AP3D1: variants seen among roughly 807,000 people sequenced by gnomAD.
The protein encoded by AP3D1 is AP-3 complex subunit delta-1.
In AP3D1, 51 loss-of-function variants were observed where a neutral mutation model predicts 147.6. That is an observed-to-expected ratio of 0.35 (90% CI 0.28 to 0.44). The LOEUF (loss-of-function observed/expected upper bound fraction) is 0.44, where lower values mean the gene tolerates loss of function less well. AP3D1 is among the 20% of genes least tolerant of loss of function. AP3D1 has a pLI of 1.00. For synonymous variants in AP3D1, 760 were observed against 663.0 expected, an observed-to-expected ratio of 1.15 and a Z score of -2.25; for missense variants, 1,421 against 1,624.2, an observed-to-expected ratio of 0.87 and a Z score of 2.15.
intron 28 of AP3D1, 71 bp from the exon 29 acceptor site, chr19:2,110,029 C>T (rs1324993939): frequency 6.9e-6 from 11 of 1,589,858 alleles, no homozygotes; most frequent in Non-Finnish European, 9.5e-6. Flanking sequence ...GTTCCCCAGG[C>T]AGGTGGCCCA....
At chr19:2,109,515 C>A in intron 29 of AP3D1, 1 of 483,340 alleles carries the variant, frequency 2.1e-6, no homozygotes, top group Admixed American at 3.6e-5. Context: ...GATGCAGGCA[C>A]GCAGAGGACG....
chr19:2,111,652 G>A (rs913314681), intron 25 of AP3D1, 27 bp downstream of exon 25: 2 of 1,563,240 alleles, frequency 1.3e-6, no homozygotes, highest in Non-Finnish European at 1.7e-6. Flanking sequence ...CCCCGGCGTG[G>A]GGCGGGGGCG....
intron 3 of AP3D1, among the ~76,000 whole-genome samples, chr19:2,137,329 T>C (rs1268362680): frequency 2.0e-5 from 3 of 151,592 alleles, no homozygotes; most frequent in African/African-American, 4.9e-5. Context: ...TTTTTTTTTC[T>C]TGGAGACAAA....
chr19:2,160,586 C>A (rs1421803822), intron 1 of AP3D1, among the ~76,000 whole-genome samples: 1 of 152,044 alleles, frequency 6.6e-6, no homozygotes, highest in Non-Finnish European at 1.5e-5. Context: ...GGAGTCCAGT[C>A]CATCCTCCAC....
chr19:2,123,516 C>T (rs2018666492), intron 10 of AP3D1, 110 bp from the exon 11 acceptor site: 7 of 1,136,966 alleles, frequency 6.2e-6, no homozygotes, highest in Non-Finnish European at 8.8e-6. Flanking sequence ...GCGTCAGCCC[C>T]ACCCACCAAT....
Position 2,116,614 on chromosome 19 carries a change from C to T in AP3D1, c.1992G>A (p.Glu664=). ...GCAGCCAGCAGCTCACCCGAGCCAG[C>T]TCTTCCTCGTCCGCCTCCGACGGCC... The part of the protein sequence containing the change: ...KHRPSEADEE[E]LARRREARKQ... The change falls in exon 17 of 32, where the codon GAG becomes GAA. Residue 664 remains glutamate, a synonymous_variant. Coordinates refer to ENST00000643116, the MANE Select transcript of AP3D1 (RefSeq NM_001261826.3). 1.3e-6 allele frequency: 2 copies of T among 1,595,072 alleles called. No individual in the cohort carries two copies. Among genetic ancestry groups the T allele is most frequent in the Non-Finnish European group, 1.7e-6 (2 of 1,171,574 alleles).
At chr19:2,136,906 G>T in intron 4 of AP3D1, 105 bp downstream of exon 4, 2 of 1,089,448 alleles carry the variant, frequency 1.8e-6, no homozygotes, top group Non-Finnish European at 2.7e-6. Flanking sequence ...ACTCAAGGGG[G>T]CCACAGGCAC....
At chr19:2,119,699 CAAAAAAAAAAA>C (rs954635585) in intron 14 of AP3D1, among the ~76,000 whole-genome samples, 1 of 25,336 alleles carries the variant, frequency 3.9e-5, no homozygotes, top group Non-Finnish European at 7.4e-5. Context: ...GACTCTGTCT[CAAAAAAAAAAA>C]AAAAAAAAAA....
intron 16 of AP3D1, 47 bp from the exon 17 acceptor site, chr19:2,116,793 G>A (rs368553326): frequency 1.4e-5 from 21 of 1,545,246 alleles, no homozygotes; most frequent in African/African-American, 2.7e-5. Context: ...GACCGAGCAC[G>A]CGCCTGCAGG....
exon 1 of AP3D1, chr19:2,164,391 C>T (rs2019827904): frequency 9.0e-6 from 5 of 556,466 alleles, no homozygotes; most frequent in Non-Finnish European, 1.3e-5. Context: ...CTGGACTCCA[C>T]TGTCGCTGCT....
chr19:2,132,762 G>C (rs547484647), intron 4 of AP3D1, among the ~76,000 whole-genome samples, 184 bp from the exon 5 acceptor site: 4 of 152,160 alleles, frequency 2.6e-5, no homozygotes, highest in Non-Finnish European at 4.4e-5. Flanking sequence ...ACTCGGACAA[G>C]GAGGAAGAAT....
Position 2,116,619 on chromosome 19 carries a change from C to T in AP3D1, c.1987G>A (p.Glu663Lys), listed in dbSNP as rs1484726469. The T allele has an allele frequency of 6.3e-7, 1 of 1,596,600 alleles. No homozygotes were observed. ...PKHRPSEADE[E>K]ELARRREARK... The stretch of plus-strand genomic sequence containing the variant: ...CAGCAGCTCACCCGAGCCAGCTCTT[C>T]CTCGTCCGCCTCCGACGGCCGGTGC... The change falls in exon 17 of 32, where the codon GAA becomes AAA. Residue 663 changes from glutamate (E) to lysine (K), a missense_variant. Physicochemically the swap from Glu to Lys is moderately conservative, Grantham distance 56. Coordinates refer to ENST00000643116, the MANE Select transcript of AP3D1 (RefSeq NM_001261826.3).
chr19:2,147,010 T>A (rs376767642), intron 1 of AP3D1, among the ~76,000 whole-genome samples: 1 of 149,290 alleles, frequency 6.7e-6, no homozygotes, highest in South Asian at 2.1e-4. Context: ...GGGCAGACGC[T>A]GATCTAGTGG....
At position 2,115,148 on chromosome 19, in the gene AP3D1, G is replaced by A. The variant is rs142178933; in HGVS notation, c.2349+71C>T. ...ACGAAGACCATGGGGAGAGGCCACT[G>A]TGCATGGCCCCAGGACACACACATG... On this transcript the variant is annotated intron_variant, in intron 20 of 31. Transcript: ENST00000643116. 258 of 1,486,320 alleles carry A rather than the reference G, an allele frequency of 1.7e-4. 1 individual carries two copies. In the African/African-American group the frequency reaches 3.0e-3, roughly 17 times the overall value. 92.1% of individuals were successfully genotyped at this position (1,486,320 alleles called of 1,614,324 possible).
intron 1 of AP3D1, among the ~76,000 whole-genome samples, chr19:2,149,990 C>T (rs985354335): frequency 1.3e-5 from 2 of 152,144 alleles, no homozygotes; most frequent in African/African-American, 2.4e-5. Context: ...ATGAAGAAAA[C>T]CAAGGAGGCC....
At chr19:2,140,036 A>G (rs982213034) in intron 1 of AP3D1, among the ~76,000 whole-genome samples, 6 of 152,094 alleles carry the variant, frequency 3.9e-5, no homozygotes, top group Admixed American at 2.0e-4. Context: ...TGTACAATGG[A>G]AAGAGTGCCA....
chr19:2,111,778 C>A lies in AP3D1; in HGVS notation c.2838G>T (p.Arg946=), dbSNP rs1381705378. 1 of 1,613,480 alleles carries A rather than the reference C, an allele frequency of 6.2e-7. No homozygotes were observed. The highest frequency in any genetic ancestry group is 2.2e-5 in the East Asian group (1 of 44,870). ...KKKHRKEKEE[R]TKGKKKSKKQ... ...TCTTGGACTTCTTCTTGCCTTTGGT[C>A]CGCTCCTCCTTCTCCTTCCTGTGCT... Residue 946 remains arginine (R), a synonymous_variant, in exon 25 of 32, where the codon CGG becomes CGT. Coordinates refer to ENST00000643116, the MANE Select transcript of AP3D1 (RefSeq NM_001261826.3).
intron 31 of AP3D1, among the ~76,000 whole-genome samples, chr19:2,104,675 T>TG (rs1568271670): frequency 3.1e-5 from 4 of 128,370 alleles, no homozygotes; most frequent in Non-Finnish European, 7.2e-5. Flanking sequence ...AGTTTTTTTT[T>TG]TTTTTTTTTT....
At chr19:2,156,522 C>G (rs1568315037), upstream of AP3D1, among the ~76,000 whole-genome samples, 1 of 151,140 alleles carries the variant, frequency 6.6e-6, no homozygotes, top group South Asian at 2.1e-4. Context: ...CACCCACCCA[C>G]CCATCCATCC....
Sources: allele counts gnomAD v4.1 joint callset (sites outside exome capture counted in the v4.1 genomes callset), GRCh38; gene constraint gnomAD v4.1.1; transcripts MANE v1.5; gene names NCBI Gene and HGNC (gene_info 2026-07-23, HGNC 2026-07-21).